KIAA1217: variants seen among roughly 807,000 people sequenced by gnomAD.
KIAA1217 encodes KIAA1217.
KIAA1217 carries 88 observed loss-of-function variants against 163.9 expected under a neutral mutation model. The observed-to-expected ratio is 0.54, with a 90% confidence interval of 0.45 to 0.64. The LOEUF (loss-of-function observed/expected upper bound fraction) is 0.64, where lower values mean the gene tolerates loss of function less well. Among genes scored for constraint, KIAA1217 ranks in the 30% least tolerant of loss-of-function variants. The pLI is 0.00. For missense variants in KIAA1217, 2,372 were observed against 2,475.0 expected, an observed-to-expected ratio of 0.96 and a Z score of 0.88; for synonymous variants, 903 against 923.1, an observed-to-expected ratio of 0.98 and a Z score of 0.39.
At chr10:23,906,178 C>A (rs1447901393) in intron 1 of KIAA1217, among the ~76,000 whole-genome samples, 3 of 152,074 alleles carry the variant, frequency 2.0e-5, no homozygotes, top group African/African-American at 7.2e-5. Flanking sequence ...AGAGTTGCAT[C>A]ACTTAATATT....
At chr10:23,995,887 GGT>G (rs1181701568) in intron 1 of KIAA1217, among the ~76,000 whole-genome samples, 1 of 152,078 alleles carries the variant, frequency 6.6e-6, no homozygotes, top group Non-Finnish European at 1.5e-5. Flanking sequence ...TCTGAATCCT[GGT>G]CCCCAGTCTA....
chr10:23,936,664 A>C lies in KIAA1217; in HGVS notation c.-320-70561A>C, dbSNP rs532674853. Among the ~76,000 whole-genome samples, 3 of 152,252 alleles carry C rather than the reference A, an allele frequency of 2.0e-5. No homozygotes were observed. The South Asian group carries it at 6.2e-4, about 32-fold the overall frequency. ...CAACCACCAGCTCCTGGGAAGAAGC[A>C]AGGAAGGATTCTTCCCTGGAGCTTT... On this transcript the variant is annotated intron_variant, in intron 1 of 18. Coordinates refer to the KIAA1217 transcript ENST00000376462.
At chr10:23,720,854 T>C (rs1216976561) in intron 1 of KIAA1217, among the ~76,000 whole-genome samples, 1 of 152,196 alleles carries the variant, frequency 6.6e-6, no homozygotes, top group African/African-American at 2.4e-5. Context: ...ATTCCACTGA[T>C]GTTCACAAGT....
chr10:24,142,449 A>G (rs1282346842), intron 2 of KIAA1217, among the ~76,000 whole-genome samples: 2 of 152,098 alleles, frequency 1.3e-5, no homozygotes, highest in Middle Eastern at 3.2e-3. Context: ...TTGTGTCTAG[A>G]AAGATGAGAA....
At chr10:23,866,810 T>C (rs897480944) in intron 1 of KIAA1217, among the ~76,000 whole-genome samples, 1 of 152,100 alleles carries the variant, frequency 6.6e-6, no homozygotes, top group African/African-American at 2.4e-5. Context: ...TTCTCTTTGG[T>C]GCGATCTCAG....
At chr10:24,494,773 CTTTT>C (rs1008194322) in intron 7 of KIAA1217, among the ~76,000 whole-genome samples, 169 bp downstream of exon 7, 9 of 151,594 alleles carry the variant, frequency 5.9e-5, no homozygotes, top group African/African-American at 9.7e-5. Context: ...GGTTTGGTTG[CTTTT>C]TTTCTTTCCT....
At chr10:24,404,949 G>GAT in intron 3 of KIAA1217, among the ~76,000 whole-genome samples, 1 of 152,104 alleles carries the variant, frequency 6.6e-6, no homozygotes, top group South Asian at 2.1e-4. Context: ...GATGCAGAAC[G>GAT]GATTAGTAGA....
intron 2 of KIAA1217, among the ~76,000 whole-genome samples, chr10:24,343,376 G>C (rs756066010): frequency 8.1e-6 from 1 of 123,966 alleles, no homozygotes; most frequent in Non-Finnish European, 1.8e-5. Context: ...ATTGACGTTA[G>C]AGTATATTTT....
intron 1 of KIAA1217, among the ~76,000 whole-genome samples, chr10:23,814,341 C>T (rs1244671171): frequency 6.6e-6 from 1 of 152,184 alleles, no homozygotes; most frequent in Non-Finnish European, 1.5e-5. Context: ...AGCACAGACT[C>T]CAGATGAGCA....
intron 1 of KIAA1217, among the ~76,000 whole-genome samples, chr10:23,894,957 G>A (rs1589030482): frequency 6.6e-6 from 1 of 152,222 alleles, no homozygotes; most frequent in East Asian, 1.9e-4. Flanking sequence ...GCTGAAACTG[G>A]ATCCCTTCCT....
At chr10:24,449,874 G>C in intron 5 of KIAA1217, 3 of 384,826 alleles carry the variant, frequency 7.8e-6, no homozygotes, top group Non-Finnish European at 1.1e-5. Flanking sequence ...AATGCAATAG[G>C]CGATTGCAAT....
chr10:23,976,609 G>A (rs571221643), intron 1 of KIAA1217, among the ~76,000 whole-genome samples: 2 of 152,212 alleles, frequency 1.3e-5, no homozygotes, highest in East Asian at 3.9e-4. Flanking sequence ...CAGTCTTCCA[G>A]GTACAGCAGA....
chr10:24,354,925 A>G (rs1266200959), intron 2 of KIAA1217, among the ~76,000 whole-genome samples: 2 of 152,084 alleles, frequency 1.3e-5, no homozygotes, highest in Non-Finnish European at 2.9e-5. Context: ...TTGCCAAGGA[A>G]CCACCCTCTT....
At chr10:24,455,178 A>G (rs942433302) in intron 5 of KIAA1217, among the ~76,000 whole-genome samples, 16 of 152,338 alleles carry the variant, frequency 1.1e-4, no homozygotes, top group Admixed American at 9.8e-4. Context: ...ATAAGTTTCT[A>G]TTCAGTATCA....
At chr10:24,419,958 C>A (rs1032783925) in intron 3 of KIAA1217, among the ~76,000 whole-genome samples, 1 of 151,950 alleles carries the variant, frequency 6.6e-6, no homozygotes, top group Non-Finnish European at 1.5e-5. Flanking sequence ...TAATTTGTTA[C>A]CGCTGTTAAC....
At chr10:23,787,106 C>T (rs548425996) in intron 1 of KIAA1217, among the ~76,000 whole-genome samples, 16 of 152,168 alleles carry the variant, frequency 1.1e-4, no homozygotes, top group African/African-American at 3.6e-4. Context: ...AGTAAAAATG[C>T]GAGTTTAATA....
chr10:24,419,458 C>T (rs2058553769), intron 3 of KIAA1217, among the ~76,000 whole-genome samples: 1 of 152,140 alleles, frequency 6.6e-6, no homozygotes, highest in African/African-American at 2.4e-5. Flanking sequence ...CAGAATGGTA[C>T]AGTGGTGAAG....
chr10:23,932,950 T>C (rs1186583362), intron 1 of KIAA1217, among the ~76,000 whole-genome samples: 1 of 152,236 alleles, frequency 6.6e-6, no homozygotes, highest in African/African-American at 2.4e-5. Flanking sequence ...TTTTAGGTTG[T>C]TGCTATGACA....
At chr10:24,216,480 TTA>T (rs1467528397) in intron 1 of KIAA1217, among the ~76,000 whole-genome samples, 1 of 152,174 alleles carries the variant, frequency 6.6e-6, no homozygotes, top group Non-Finnish European at 1.5e-5. Context: ...CCTGGATAAC[TTA>T]AAATATATTT....
Sources: allele counts gnomAD v4.1 joint callset (sites outside exome capture counted in the v4.1 genomes callset), GRCh38; gene constraint gnomAD v4.1.1; transcripts MANE v1.5; gene names NCBI Gene and HGNC (gene_info 2026-07-23, HGNC 2026-07-21).